Variants in UTRN observed in about 807,000 individuals in gnomAD.
UTRN encodes the protein utrophin, also known as dystrophin-related protein 1.
Under a neutral mutation model 463.9 loss-of-function variants are expected in UTRN, and 283 were observed. The observed-to-expected ratio is 0.61, with a 90% CI of 0.55 to 0.67. The LOEUF (loss-of-function observed/expected upper bound fraction) is 0.67, where lower values mean the gene tolerates loss of function less well. Among genes scored for constraint, UTRN ranks in the 30% least tolerant of loss-of-function variants. UTRN has a pLI of 0.00. For missense variants in UTRN, 3,922 were observed against 4,084.3 expected, an observed-to-expected ratio of 0.96 and a Z score of 1.08; for synonymous variants, 1,442 against 1,431.5, an observed-to-expected ratio of 1.01 and a Z score of -0.17.
intron 2 of UTRN, among the ~76,000 whole-genome samples, chr6:144,302,503 C>G (rs1375936138): frequency 2.9e-5 from 3 of 103,000 alleles, no homozygotes; most frequent in Non-Finnish European, 5.4e-5. Context: ...GAGTGAGACT[C>G]TGTCTCAAAA....
At chr6:144,352,455 G>GT (rs1247460979) in intron 2 of UTRN, among the ~76,000 whole-genome samples, 1 of 152,114 alleles carries the variant, frequency 6.6e-6, no homozygotes, top group Non-Finnish European at 1.5e-5. Flanking sequence ...AAAGAGGGAG[G>GT]TTATGGACAT....
At chr6:144,577,360 T>G (rs1801538284) in intron 51 of UTRN, 72 bp downstream of exon 51, 3 of 1,489,678 alleles carry the variant, frequency 2.0e-6, no homozygotes, top group Non-Finnish European at 2.8e-6. Context: ...CATGCAAATG[T>G]GTTACCCTTA....
chr6:144,312,723 A>G (rs1273223205), intron 2 of UTRN, among the ~76,000 whole-genome samples: 4 of 152,098 alleles, frequency 2.6e-5, no homozygotes, highest in African/African-American at 9.7e-5. Context: ...ATGTTTATAT[A>G]TTTGATATGA....
At chr6:144,715,915 C>T (rs986130945) in intron 53 of UTRN, among the ~76,000 whole-genome samples, 6 of 151,618 alleles carry the variant, frequency 4.0e-5, no homozygotes, top group Non-Finnish European at 7.4e-5. Flanking sequence ...TATTCATTTG[C>T]GTTCTAAAGA....
chr6:144,831,932 C>A (rs943409106), intron 69 of UTRN, among the ~76,000 whole-genome samples: 8 of 152,014 alleles, frequency 5.3e-5, no homozygotes, highest in Non-Finnish European at 1.0e-4. Flanking sequence ...TATGTCTTGT[C>A]TACTTTCAAA....
chr6:144,770,599 A>C (rs1422726590), intron 58 of UTRN, among the ~76,000 whole-genome samples: 1 of 151,886 alleles, frequency 6.6e-6, no homozygotes, highest in Non-Finnish European at 1.5e-5. Flanking sequence ...TGACCCACCA[A>C]AGTCATGAAC....
chr6:144,509,279 T>C (rs909069126), intron 34 of UTRN, among the ~76,000 whole-genome samples: 1 of 152,148 alleles, frequency 6.6e-6, no homozygotes, highest in African/African-American at 2.4e-5. Flanking sequence ...CATATCTATT[T>C]TTATTGCTAT....
chr6:144,294,029 A>C (rs1470105375), intron 2 of UTRN, among the ~76,000 whole-genome samples: 1 of 152,150 alleles, frequency 6.6e-6, no homozygotes, highest in Non-Finnish European at 1.5e-5. Flanking sequence ...AATAAATGTT[A>C]ATAGTGGTCA....
intron 3 of UTRN, among the ~76,000 whole-genome samples, chr6:144,412,381 G>A (rs547150037): frequency 2.6e-5 from 4 of 152,180 alleles, no homozygotes; most frequent in South Asian, 2.1e-4. Flanking sequence ...CTAAGATGAT[G>A]TACATAGTGC....
intron 13 of UTRN, among the ~76,000 whole-genome samples, chr6:144,442,678 C>T (rs994001032): frequency 2.6e-5 from 4 of 152,130 alleles, no homozygotes; most frequent in African/African-American, 7.2e-5. Context: ...GAGACTTATT[C>T]ACTATAATGA....
At chr6:144,517,612 G>C (rs1365811698) in intron 39 of UTRN, among the ~76,000 whole-genome samples, 1 of 152,066 alleles carries the variant, frequency 6.6e-6, no homozygotes, top group Non-Finnish European at 1.5e-5. Context: ...GATGACTTTG[G>C]AAATTAAGTA....
chr6:144,834,157 C>A (rs1180012881), intron 69 of UTRN, among the ~76,000 whole-genome samples: 1 of 152,164 alleles, frequency 6.6e-6, no homozygotes, highest in African/African-American at 2.4e-5. Flanking sequence ...CAGTTGCTAA[C>A]TGTGTTGTAA....
chr6:144,400,854 A>C (rs1359437311), intron 2 of UTRN, among the ~76,000 whole-genome samples: 1 of 152,214 alleles, frequency 6.6e-6, no homozygotes, highest in Non-Finnish European at 1.5e-5. Context: ...ACTATTGTTG[A>C]AATATTATCT....
At chr6:144,364,053 C>G (rs907113171) in intron 2 of UTRN, among the ~76,000 whole-genome samples, 4 of 152,104 alleles carry the variant, frequency 2.6e-5, no homozygotes, top group African/African-American at 9.7e-5. Context: ...ATTGTAGTAC[C>G]TTGAGAGAAT....
intron 2 of UTRN, among the ~76,000 whole-genome samples, chr6:144,390,693 A>G (rs1355289131): frequency 6.6e-6 from 1 of 152,234 alleles, no homozygotes; most frequent in African/African-American, 2.4e-5. Context: ...TGCCCCAAAC[A>G]TAGTAATTCA....
intron 3 of UTRN, among the ~76,000 whole-genome samples, chr6:144,404,138 G>T (rs1417615556): frequency 1.3e-5 from 2 of 152,124 alleles, no homozygotes; most frequent in African/African-American, 2.4e-5. Flanking sequence ...TTTATAGTTG[G>T]TTATTTGATT....
intron 2 of UTRN, among the ~76,000 whole-genome samples, chr6:144,337,960 T>A (rs1349135285): frequency 2.0e-5 from 3 of 152,196 alleles, no homozygotes; most frequent in African/African-American, 7.2e-5. Context: ...TCGATTTAAC[T>A]CTCTCTGACT....
At chr6:144,587,208 GGCTTGA>G (rs1386736125) in intron 51 of UTRN, among the ~76,000 whole-genome samples, 1 of 152,146 alleles carries the variant, frequency 6.6e-6, no homozygotes, top group African/African-American at 2.4e-5. Flanking sequence ...CCTTCTAGGG[GGCTTGA>G]GCTTTCAGTG....
At chr6:144,710,598 A>G (rs561393441) in intron 53 of UTRN, among the ~76,000 whole-genome samples, 3 of 152,370 alleles carry the variant, frequency 2.0e-5, no homozygotes, top group South Asian at 4.1e-4. Flanking sequence ...AGCAACATCA[A>G]TAATAAATAC....
Sources: gnomAD v4.1 joint callset for allele counts (sites outside exome capture counted in the v4.1 genomes callset) on GRCh38, gnomAD v4.1.1 for gene constraint, MANE v1.5 for transcripts, NCBI Gene and HGNC (gene_info 2026-07-23, HGNC 2026-07-21) for gene names.